Variants in POU6F2 observed in about 807,000 individuals in gnomAD.
POU6F2 encodes POU domain, class 6, transcription factor 2.
In POU6F2, 31 loss-of-function variants were observed where a neutral mutation model predicts 71.3. The observed-to-expected ratio is 0.43, with a 90% CI of 0.33 to 0.59. The LOEUF (loss-of-function observed/expected upper bound fraction) is 0.59, where lower values mean the gene tolerates loss of function less well. POU6F2 is among the 20% of genes least tolerant of loss of function. The pLI is 0.04. For missense variants in POU6F2, 783 were observed against 856.8 expected, an observed-to-expected ratio of 0.91 and a Z score of 1.07; for synonymous variants, 347 against 355.7, an observed-to-expected ratio of 0.98 and a Z score of 0.27.
In POU6F2 at chr7:39,339,710, C is replaced by A. The variant is rs183758448; in HGVS notation, c.667C>A (p.Gln223Lys). 2.7e-5 allele frequency: 44 copies of A among 1,605,794 alleles called. 1 individual carries two copies. In the Admixed American group the frequency reaches 5.3e-4, roughly 20 times the overall value. Residue 223 changes from glutamine to lysine, a missense_variant, in exon 5 of 10, where the codon CAG becomes AAG. Physicochemically the swap from Gln to Lys is moderately conservative, Grantham distance 53. Transcript: ENST00000518318. ...GCTCCAGCAGCAGCAGCAGCAGCAG[C>A]AGCAGCAGCCTCCCCCGTCAACCAA... Reference protein sequence around the residue: ...LQLQQQQQQQQQQPPPSTNQH... With the variant: ...LQLQQQQQQQKQQPPPSTNQH...
chr7:39,467,520 T>C lies in POU6F2; in HGVS notation c.*2834T>C, dbSNP rs900752239. On this transcript the variant is annotated 3_prime_UTR_variant, in exon 10 of 10. Coordinates refer to ENST00000518318, the MANE Select transcript of POU6F2 (RefSeq NM_001370959.1). ...GATTGTATTTCAAGCTTCAGTATTT[T>C]TCTCACATAATTTTTAATTATTGTT... 5 of 152,240 alleles carry C rather than the reference T, an allele frequency of 3.3e-5. No homozygotes were observed. Among genetic ancestry groups the C allele is most frequent in the Non-Finnish European group, 7.3e-5 (5 of 68,040 alleles). The allele number at this position is 152,240 out of a possible 1,614,324, so 9.4% of individuals were successfully genotyped here. A position where few individuals can be genotyped will look rare whatever the true frequency, so the allele number is the denominator to read the frequency against.
chr7:39,350,654 T>A (rs17686709), intron 5 of POU6F2, among the ~76,000 whole-genome samples: 26,152 of 152,214 alleles, frequency 0.17, 2,504 homozygotes, highest in Admixed American at 0.24. Context: ...ATGATCACAT[T>A]AAAGCCATTT....
chr7:39,238,203 G>C (rs1794708989), intron 4 of POU6F2, among the ~76,000 whole-genome samples: 1 of 152,180 alleles, frequency 6.6e-6, no homozygotes, highest in Admixed American at 6.5e-5. Context: ...AACTCAGTTT[G>C]AGCATCTGTA....
In POU6F2 at chr7:39,364,601, C is replaced by T. The variant is rs896537015; in HGVS notation, c.972+24586C>T. Among the ~76,000 whole-genome samples the T allele has an allele frequency of 2.0e-5, 3 of 152,188 alleles. 1 individual carries two copies. The highest frequency in any genetic ancestry group is 6.5e-5 in the Admixed American group (1 of 15,278). Reference sequence around the variant, plus strand: ...TCACTGCAAATGCCATTAATTCTTTCCTTTTTATGGCTGAGTAGTATTCCA... The same window carrying T: ...TCACTGCAAATGCCATTAATTCTTTTCTTTTTATGGCTGAGTAGTATTCCA... On this transcript the variant is annotated intron_variant, in intron 5 of 9. Coordinates refer to ENST00000518318, the MANE Select transcript of POU6F2 (RefSeq NM_001370959.1).
At chr7:39,333,078 T>C (rs1322320172) in intron 4 of POU6F2, among the ~76,000 whole-genome samples, 4 of 152,290 alleles carry the variant, frequency 2.6e-5, no homozygotes, top group African/African-American at 9.6e-5. Context: ...TGGGAACTCA[T>C]GGGGGACTTG....
At chr7:39,427,282 G>A (rs994326615) in intron 6 of POU6F2, among the ~76,000 whole-genome samples, 1 of 152,202 alleles carries the variant, frequency 6.6e-6, no homozygotes, top group African/African-American at 2.4e-5. Context: ...GAGATCCTAA[G>A]AGGTAAAGTA....
chr7:39,017,075 T>C (rs1789571467), intron 1 of POU6F2, among the ~76,000 whole-genome samples: 2 of 152,214 alleles, frequency 1.3e-5, no homozygotes, highest in Non-Finnish European at 2.9e-5. Context: ...TTTTATCATG[T>C]TGTTTTTTCT....
chr7:39,272,223 A>G (rs1221835102), intron 4 of POU6F2, among the ~76,000 whole-genome samples: 1 of 152,220 alleles, frequency 6.6e-6, no homozygotes. Flanking sequence ...CATAAATACC[A>G]AATAGAAATG....
At chr7:39,017,405 G>A (rs533136559) in intron 1 of POU6F2, among the ~76,000 whole-genome samples, 3 of 152,150 alleles carry the variant, frequency 2.0e-5, no homozygotes, top group South Asian at 2.1e-4. Context: ...ATCTTTAGTC[G>A]CTGTTATTGT....
At chr7:39,405,625 A>G (rs1787406525) in intron 5 of POU6F2, among the ~76,000 whole-genome samples, 1 of 152,240 alleles carries the variant, frequency 6.6e-6, no homozygotes, top group Non-Finnish European at 1.5e-5. Flanking sequence ...ATCAAAACCA[A>G]TACTGTGAAA....
intron 2 of POU6F2, among the ~76,000 whole-genome samples, chr7:39,113,521 C>T (rs905015170): frequency 3.3e-5 from 5 of 152,066 alleles, no homozygotes; most frequent in African/African-American, 4.8e-5. Flanking sequence ...GTTACATAGA[C>T]GAAACAGGAG....
At chr7:39,303,033 G>C (rs879693416) in intron 4 of POU6F2, among the ~76,000 whole-genome samples, 2 of 152,234 alleles carry the variant, frequency 1.3e-5, no homozygotes, top group Non-Finnish European at 2.9e-5. Context: ...TGCTCATGCT[G>C]TTGGCTGGGG....
At position 39,297,194 on chromosome 7, in the gene POU6F2, CAT is replaced by C. The variant is rs67751881; in HGVS notation, c.599-42446_599-42445del. Among the ~76,000 whole-genome samples, 213 of 127,714 alleles carry C rather than the reference CAT, an allele frequency of 1.7e-3. 1 individual carries two copies. Among genetic ancestry groups the C allele is most frequent in the African/African-American group, 6.8e-3 (206 of 30,236 alleles). The allele number at this position is 127,714 out of a possible 152,430, so 83.8% of individuals were successfully genotyped here. On this transcript the variant is annotated intron_variant, in intron 4 of 9. Coordinates refer to ENST00000518318, the MANE Select transcript of POU6F2 (RefSeq NM_001370959.1). The stretch of plus-strand genomic sequence containing the variant: ...AGGGGTGTTTACAAACACACATACA[CAT>C]ACACACACACACACACACACACACA...
chr7:39,287,434 T>G (rs1249953052), intron 4 of POU6F2, among the ~76,000 whole-genome samples: 1 of 152,166 alleles, frequency 6.6e-6, no homozygotes, highest in East Asian at 1.9e-4. Flanking sequence ...CTAGTTACTA[T>G]TAGCTATTGT....
At chr7:39,142,444 T>C (rs1275547876) in intron 2 of POU6F2, among the ~76,000 whole-genome samples, 2 of 152,220 alleles carry the variant, frequency 1.3e-5, no homozygotes, top group Non-Finnish European at 2.9e-5. Flanking sequence ...TCCCTATGCA[T>C]TTAGCTGCAA....
intron 4 of POU6F2, among the ~76,000 whole-genome samples, chr7:39,256,577 G>T (rs377317925): frequency 1.3e-5 from 2 of 152,156 alleles, no homozygotes; most frequent in East Asian, 3.9e-4. Flanking sequence ...GGTTGTGAAT[G>T]GAAATAAATC....
At chr7:39,190,793 A>T (rs1262787158) in intron 2 of POU6F2, among the ~76,000 whole-genome samples, 1 of 151,774 alleles carries the variant, frequency 6.6e-6, no homozygotes, top group East Asian at 1.9e-4. Context: ...ATGCACCACC[A>T]TGCCTGGTTA....
At chr7:39,308,561 T>G (rs758526350) in intron 4 of POU6F2, among the ~76,000 whole-genome samples, 2 of 152,180 alleles carry the variant, frequency 1.3e-5, no homozygotes, top group African/African-American at 2.4e-5. Flanking sequence ...CTCATGTCTC[T>G]AGGTAAAAAT....
chr7:39,419,009 A>G (rs1038369202), intron 6 of POU6F2, among the ~76,000 whole-genome samples: 2 of 135,590 alleles, frequency 1.5e-5, no homozygotes, highest in South Asian at 2.3e-4. Context: ...ATATATGTGT[A>G]TATATGTATA....
Sources: allele counts gnomAD v4.1 joint callset (sites outside exome capture counted in the v4.1 genomes callset), GRCh38; gene constraint gnomAD v4.1.1; transcripts MANE v1.5; gene names NCBI Gene and HGNC (gene_info 2026-07-23, HGNC 2026-07-21).